SCARA3: variants seen among roughly 807,000 people sequenced by gnomAD.
SCARA3 encodes cellular stress response gene protein.
SCARA3 carries 39 observed loss-of-function variants against 47.0 expected under a neutral mutation model. That is an observed-to-expected ratio of 0.83 (90% CI 0.64 to 1.08). The LOEUF (loss-of-function observed/expected upper bound fraction) is 1.08. Among genes scored for constraint, SCARA3 ranks in the 50% least tolerant of loss-of-function variants. SCARA3 has a pLI of 0.00. For synonymous variants in SCARA3, 356 were observed against 334.1 expected, an observed-to-expected ratio of 1.07 and a Z score of -0.71; for missense variants, 724 against 792.3, an observed-to-expected ratio of 0.91 and a Z score of 1.04.
In SCARA3 at chr8:27,671,663, C is replaced by T; in HGVS notation, c.*312C>T. On this transcript the variant is annotated 3_prime_UTR_variant, in exon 6 of 6. Transcript: ENST00000301904. ...GCATGCACACACACATGCACGCACA[C>T]ACACATGCACACATACACGTGCACA... is the stretch of plus-strand genomic sequence containing the variant. The T allele has an allele frequency of 2.7e-6, 3 of 1,110,824 alleles. No homozygotes were observed. Among genetic ancestry groups the T allele is most frequent in the East Asian group, 4.4e-5 (1 of 22,908 alleles). The allele number at this position is 1,110,824 out of a possible 1,614,324, so 68.8% of individuals were successfully genotyped here. A position where few individuals can be genotyped will look rare whatever the true frequency, so the allele number is the denominator to read the frequency against.
chr8:27,725,999 C>T, the SCARA3 span, among the ~76,000 whole-genome samples: 1,519 of 152,282 alleles, frequency 1.0e-2, 21 homozygotes, highest in African/African-American at 0.035. Context: ...CATGAGCTCC[C>T]GTCTCTGGAT....
rs1802188435 is a variant in SCARA3, at chr8:27,672,431, C to T, written c.*1080C>T. ...TGCTCTCCCTGAGGCTGGCCTGCCC[C>T]ATTCCCCAAGGGGGCTCCTCTGGAG... On this transcript the variant is annotated 3_prime_UTR_variant, in exon 6 of 6. Transcript: ENST00000301904. 4.1e-6 allele frequency: 4 copies of T among 985,454 alleles called. No homozygotes were observed. The highest frequency in any genetic ancestry group is 3.5e-5 in the African/African-American group (2 of 57,256). The allele number at this position is 985,454 out of a possible 1,614,324, so 61.0% of individuals were successfully genotyped here.
the SCARA3 span, among the ~76,000 whole-genome samples, chr8:27,713,693 C>T: frequency 1.3e-5 from 2 of 152,168 alleles, no homozygotes; most frequent in Non-Finnish European, 2.9e-5. Context: ...TTACTTTCTG[C>T]TGCTACAAAA....
the SCARA3 span, among the ~76,000 whole-genome samples, chr8:27,688,238 G>A: frequency 2.0e-5 from 3 of 152,152 alleles, no homozygotes; most frequent in African/African-American, 4.8e-5. Context: ...AGTGGCCTGT[G>A]TATGGTTTGT....
At chr8:27,710,961 T>G in the SCARA3 span, among the ~76,000 whole-genome samples, 1 of 144,804 alleles carries the variant, frequency 6.9e-6, no homozygotes. Flanking sequence ...CCCCTCTTGT[T>G]GCCCAGGCTG....
the SCARA3 span, among the ~76,000 whole-genome samples, chr8:27,700,135 A>G: frequency 2.0e-5 from 3 of 152,204 alleles, no homozygotes; most frequent in African/African-American, 7.2e-5. Context: ...GTCACAAACC[A>G]TAAGAGAAAA....
chr8:27,676,290 T>C (rs1259412522), downstream of SCARA3, among the ~76,000 whole-genome samples: 1 of 152,206 alleles, frequency 6.6e-6, no homozygotes, highest in Non-Finnish European at 1.5e-5. Flanking sequence ...GTGACAAGGC[T>C]TCACACTGAG....
At chr8:27,638,522 A>G (rs1247539987) in intron 1 of SCARA3, among the ~76,000 whole-genome samples, 1 of 152,134 alleles carries the variant, frequency 6.6e-6, no homozygotes, top group East Asian at 1.9e-4. Flanking sequence ...TGTTTCTGGC[A>G]CTTAGGGGGT....
In SCARA3 at chr8:27,656,513, T is replaced by C. The variant is rs34534795; in HGVS notation, c.227-269T>C. Among the ~76,000 whole-genome samples, 877 of 152,094 alleles carry C rather than the reference T, an allele frequency of 5.8e-3. 5 individuals are homozygous for C. The highest frequency in any genetic ancestry group is 0.019 in the African/African-American group (795 of 41,466). The stretch of plus-strand genomic sequence containing the variant: ...AGGAATAAGAATAATTTTTTTTTAA[T>C]TTTTTTTCTGAATTTTCCCTGTTCC... On this transcript the variant is annotated intron_variant, in intron 3 of 5. Transcript: ENST00000301904.
At chr8:27,646,964 C>CCA (rs1801508726) in intron 1 of SCARA3, among the ~76,000 whole-genome samples, 1 of 27,886 alleles carries the variant, frequency 3.6e-5, no homozygotes, top group Non-Finnish European at 8.1e-5. Context: ...GCACCCCTGA[C>CCA]CGCCCCCGCC....
chr8:27,649,300 C>G (rs1001810664), intron 1 of SCARA3, among the ~76,000 whole-genome samples: 14 of 152,190 alleles, frequency 9.2e-5, no homozygotes, highest in Admixed American at 2.6e-4. Flanking sequence ...TGGCCAGATT[C>G]AGCCTTGTCC....
downstream of SCARA3, among the ~76,000 whole-genome samples, chr8:27,673,455 G>C (rs1198901554): frequency 6.6e-6 from 1 of 152,260 alleles, no homozygotes; most frequent in East Asian, 1.9e-4. Flanking sequence ...AGGACAGCCG[G>C]ATCCTCTGTG....
the SCARA3 span, among the ~76,000 whole-genome samples, chr8:27,695,931 A>G: frequency 6.6e-6 from 1 of 152,190 alleles, no homozygotes; most frequent in Admixed American, 6.5e-5. Flanking sequence ...CACTCAAAAA[A>G]AAACTTTGAG....
the SCARA3 span, among the ~76,000 whole-genome samples, chr8:27,706,506 G>A: frequency 2.6e-5 from 4 of 152,134 alleles, no homozygotes; most frequent in Non-Finnish European, 4.4e-5. Flanking sequence ...AAGGTTTCCA[G>A]TAGGGGAATG....
the SCARA3 span, among the ~76,000 whole-genome samples, chr8:27,689,790 T>C: frequency 6.6e-6 from 1 of 151,978 alleles, no homozygotes; most frequent in African/African-American, 2.4e-5. Flanking sequence ...TAAAGACCAG[T>C]GTGGGCCAGA....
rs375032340 is a variant in SCARA3 at position 27,651,635 on chromosome 8, C to T, written c.226+8C>T. On this transcript the variant is annotated splice_region_variant and intron_variant, in intron 3 of 5. Coordinates refer to ENST00000301904, the MANE Select transcript of SCARA3 (RefSeq NM_016240.3). ...CTGTGTTGGCCTCTCTGGGTGAGTC[C>T]GGGGCTTTCCCACCCCGGGCTGCAG... 6.8e-6 allele frequency: 11 copies of T among 1,613,570 alleles called. No individual in the cohort carries two copies. Among genetic ancestry groups the T allele is most frequent in the East Asian group, 4.5e-5 (2 of 44,876 alleles).
intron 5 of SCARA3, among the ~76,000 whole-genome samples, chr8:27,662,316 G>A (rs138115269): frequency 2.0e-5 from 3 of 152,264 alleles, no homozygotes; most frequent in African/African-American, 4.8e-5. Context: ...CCTAAGCCCC[G>A]CAAGGTACTG....
At chr8:27,731,892 A>G in the SCARA3 span, among the ~76,000 whole-genome samples, 1 of 136,942 alleles carries the variant, frequency 7.3e-6, no homozygotes, top group African/African-American at 2.7e-5. Context: ...AGGGCACTGC[A>G]CGGTACCCCG....
the SCARA3 span, among the ~76,000 whole-genome samples, chr8:27,709,832 C>T: frequency 6.6e-6 from 1 of 152,198 alleles, no homozygotes; most frequent in African/African-American, 2.4e-5. Flanking sequence ...CTTCCTTTCC[C>T]TCCCTCCAGA....
Sources: allele counts gnomAD v4.1 joint callset (sites outside exome capture counted in the v4.1 genomes callset), GRCh38; gene constraint gnomAD v4.1.1; transcripts MANE v1.5; gene names NCBI Gene and HGNC (gene_info 2026-07-23, HGNC 2026-07-21).